The following YBX1 variants were observed in gnomAD, a reference collection of about 807,000 sequenced individuals.
YBX1 encodes Y-box-binding protein 1.
In YBX1, 3 loss-of-function variants were observed where a neutral mutation model predicts 41.4. The ratio of observed to expected loss-of-function variants is 0.07; its 90% confidence interval spans 0.03 to 0.19. The LOEUF is 0.19. Among genes scored for constraint, YBX1 ranks in the 10% least tolerant of loss-of-function variants. YBX1 has a pLI of 1.00. For synonymous variants in YBX1, 133 were observed against 165.8 expected (o/e 0.80, Z 1.52); for missense variants, 274 against 462.8 (o/e 0.59, Z 3.74).
chr1:42,700,594 T>TC (rs150774401), intron 6 of YBX1, among the ~76,000 whole-genome samples, 187 bp from the exon 7 acceptor site: 3,537 of 113,642 alleles, frequency 0.031, 171 homozygotes, highest in African/African-American at 0.063. Context: ...GCAAGACTCT[T>TC]CCCCCTACTC....
chr1:42,686,552 A>G lies in YBX1; in HGVS notation c.230+3086A>G, dbSNP rs377108363. Among the ~76,000 whole-genome samples, 6 of 152,276 alleles carry G rather than the reference A, an allele frequency of 3.9e-5. No individual in the cohort carries two copies. The East Asian group carries it at 5.8e-4, about 15-fold the overall frequency. Reference sequence around the variant, plus strand: ...CATTTGAGTTTATTACCCATGGTCTAGGAAGATGTAATAAACCAAGCCAGG... The same window carrying G: ...CATTTGAGTTTATTACCCATGGTCTGGGAAGATGTAATAAACCAAGCCAGG... On this transcript the variant is annotated intron_variant, in intron 2 of 7. Transcript: ENST00000321358.
intron 2 of YBX1, among the ~76,000 whole-genome samples, chr1:42,685,819 C>T (rs1381711520): frequency 6.6e-6 from 1 of 152,124 alleles, no homozygotes; most frequent in Non-Finnish European, 1.5e-5. Flanking sequence ...TTATTCCAGC[C>T]TGAATTACCA....
At chr1:42,685,431 C>G (rs1283228935) in intron 2 of YBX1, among the ~76,000 whole-genome samples, 4 of 152,062 alleles carry the variant, frequency 2.6e-5, no homozygotes, top group Non-Finnish European at 2.9e-5. Context: ...GATTCTGGGA[C>G]TTTTTTAATA....
At chr1:42,695,748 C>T (rs771200898) in intron 3 of YBX1, among the ~76,000 whole-genome samples, 3 of 152,000 alleles carry the variant, frequency 2.0e-5, no homozygotes, top group Non-Finnish European at 1.5e-5. Flanking sequence ...GAGTTTGATA[C>T]GGTAACACAG....
chr1:42,697,644 T>C (rs1570423570), intron 6 of YBX1, among the ~76,000 whole-genome samples: 1 of 152,294 alleles, frequency 6.6e-6, no homozygotes, highest in East Asian at 1.9e-4. Context: ...TATCTTCCAC[T>C]AAACACTTCT....
intron 6 of YBX1, among the ~76,000 whole-genome samples, chr1:42,698,370 C>T (rs1287114919): frequency 6.6e-6 from 1 of 152,230 alleles, no homozygotes; most frequent in Non-Finnish European, 1.5e-5. Context: ...ATCACTACCA[C>T]AATTGAAGAT....
At chr1:42,693,028 T>C (rs1037207728) in intron 2 of YBX1, among the ~76,000 whole-genome samples, 14 of 152,334 alleles carry the variant, frequency 9.2e-5, no homozygotes, top group South Asian at 4.1e-4. Context: ...CTTTGCGTTA[T>C]ACATTCTGTT....
chr1:42,689,233 T>C (rs1277718808), intron 2 of YBX1, among the ~76,000 whole-genome samples: 1 of 152,048 alleles, frequency 6.6e-6, no homozygotes, highest in Admixed American at 6.6e-5. Flanking sequence ...GTCTGTTGGG[T>C]GTGAAGGGTG....
intron 2 of YBX1, among the ~76,000 whole-genome samples, chr1:42,685,220 T>G (rs1001769883): frequency 1.3e-5 from 2 of 152,250 alleles, no homozygotes; most frequent in African/African-American, 4.8e-5. Flanking sequence ...AGTAATATCT[T>G]TACATTTTTT....
intron 3 of YBX1, among the ~76,000 whole-genome samples, chr1:42,695,298 C>T (rs1650433009): frequency 6.6e-6 from 1 of 152,120 alleles, no homozygotes; most frequent in South Asian, 2.1e-4. Flanking sequence ...ATGAGTGATC[C>T]TGTAATGGAT....
intron 1 of YBX1, 46 bp from the exon 2 acceptor site, chr1:42,683,357 G>C: frequency 6.2e-7 from 1 of 1,613,022 alleles, no homozygotes; most frequent in Non-Finnish European, 8.5e-7. Flanking sequence ...ATTTGGAAAA[G>C]GATAGCTGGT....
intron 2 of YBX1, among the ~76,000 whole-genome samples, chr1:42,691,898 G>C (rs1215739321): frequency 6.6e-6 from 1 of 151,668 alleles, no homozygotes; most frequent in Non-Finnish European, 1.5e-5. Flanking sequence ...ATCTCACTCT[G>C]TTGCCCAGGC....
Position 42,696,522 on chromosome 1 carries a change from C to CCGGGGGGGGGGGGG in YBX1, c.355-120_355-119insCGGGGGGGGGGGGG. The CCGGGGGGGGGGGGG allele has an allele frequency of 1.6e-6, 1 of 637,568 alleles. No homozygotes were observed. Among genetic ancestry groups the CCGGGGGGGGGGGGG allele is most frequent in the Non-Finnish European group, 2.4e-6 (1 of 420,684 alleles). The allele number at this position is 637,568 out of a possible 1,614,324, so 39.5% of individuals were successfully genotyped here. A position where few individuals can be genotyped will look rare whatever the true frequency, so the allele number is the denominator to read the frequency against. ...GGTCACGCAGTTGCGCCCCCCCCCC[C>CCGGGGGGGGGGGGG]TTTTTTTTCCTTAACTTTGTTGTTT... is the stretch of plus-strand genomic sequence containing the variant. On this transcript the variant is annotated intron_variant, in intron 4 of 7. Coordinates refer to ENST00000321358, the MANE Select transcript of YBX1 (RefSeq NM_004559.5). The surrounding 1 kb of genome is among the most constrained non-coding windows in gnomAD (Gnocchi z 5.7).
At chr1:42,684,537 G>A (rs1482895334) in intron 2 of YBX1, among the ~76,000 whole-genome samples, 2 of 152,212 alleles carry the variant, frequency 1.3e-5, no homozygotes, top group African/African-American at 4.8e-5. Context: ...ATTGCCTGAT[G>A]AAAAACTGTT....
chr1:42,683,158 G>T (rs986508500), intron 1 of YBX1: 6 of 648,862 alleles, frequency 9.2e-6, no homozygotes, highest in African/African-American at 7.6e-5. Flanking sequence ...CTCCGTCCGC[G>T]GCCTGCGCAC....
At chr1:42,695,659 G>GACAT (rs756530438) in intron 3 of YBX1, among the ~76,000 whole-genome samples, 18 of 152,210 alleles carry the variant, frequency 1.2e-4, no homozygotes, top group Admixed American at 2.0e-4. Flanking sequence ...TATAAAGAAT[G>GACAT]ACATAGTTAA....
chr1:42,689,871 T>C (rs1650286999), intron 2 of YBX1, among the ~76,000 whole-genome samples: 1 of 152,224 alleles, frequency 6.6e-6, no homozygotes, highest in South Asian at 2.1e-4. Context: ...TGGTAGCAAT[T>C]AGATTTTAAT....
intron 6 of YBX1, among the ~76,000 whole-genome samples, chr1:42,697,465 G>A (rs963972238): frequency 1.2e-4 from 18 of 152,088 alleles, no homozygotes; most frequent in African/African-American, 4.3e-4. Context: ...AAAATGATGA[G>A]GGTTTGGAAT....
At chr1:42,693,645 C>A (rs536350278) in intron 3 of YBX1, 122 bp downstream of exon 3, 2 of 948,420 alleles carry the variant, frequency 2.1e-6, no homozygotes, top group African/African-American at 1.7e-5. Context: ...TATTTACTTA[C>A]GACAGGAGTA....
Sources: allele counts gnomAD v4.1 joint callset (sites outside exome capture counted in the v4.1 genomes callset), GRCh38; gene constraint gnomAD v4.1.1; non-coding constraint Gnocchi (gnomAD v3.1); transcripts MANE v1.5; gene names NCBI Gene and HGNC (gene_info 2026-07-23, HGNC 2026-07-21).